Variants in SCHIP1 observed in about 807,000 individuals in gnomAD.
The protein encoded by SCHIP1 is schwannomin interacting protein 1.
Under a neutral mutation model 29.7 loss-of-function variants are expected in SCHIP1, and 8 were observed. The observed-to-expected ratio is 0.27, with a 90% confidence interval of 0.16 to 0.49. The LOEUF is 0.49. SCHIP1 is among the 20% of genes least tolerant of loss of function. SCHIP1 has a pLI of 0.99. For missense variants in SCHIP1, 193 were observed against 294.6 expected (o/e 0.66, Z 2.52); for synonymous variants, 76 against 94.9 (o/e 0.80, Z 1.16).
At chr3:159,339,869 T>C in the SCHIP1 span, among the ~76,000 whole-genome samples, 5 of 152,126 alleles carry the variant, frequency 3.3e-5, no homozygotes, top group Admixed American at 6.6e-5. Context: ...ATAGCTCTCA[T>C]CCACTCAAAA....
intron 1 of SCHIP1, chr3:159,840,285 G>A: frequency 7.4e-7 from 1 of 1,348,206 alleles, no homozygotes; most frequent in Non-Finnish European, 1.0e-6. Flanking sequence ...CAAAGCAGCA[G>A]GTTGCCTCTT....
chr3:159,342,521 C>A, the SCHIP1 span, among the ~76,000 whole-genome samples: 2 of 152,230 alleles, frequency 1.3e-5, no homozygotes, highest in South Asian at 2.1e-4. Flanking sequence ...ACCTATAATA[C>A]AATATTTACT....
intron 2 of SCHIP1, among the ~76,000 whole-genome samples, chr3:159,885,850 A>T (rs886978843): frequency 4.6e-5 from 7 of 152,270 alleles, no homozygotes; most frequent in African/African-American, 1.7e-4. Flanking sequence ...AGATGACACC[A>T]CGCAGCCTTA....
chr3:159,550,808 C>T, the SCHIP1 span, among the ~76,000 whole-genome samples: 2 of 152,062 alleles, frequency 1.3e-5, no homozygotes, highest in South Asian at 2.1e-4. Context: ...AAAACTGCTA[C>T]AACAAAATGG....
chr3:159,820,844 A>C, the SCHIP1 span, among the ~76,000 whole-genome samples: 1 of 152,208 alleles, frequency 6.6e-6, no homozygotes, highest in Non-Finnish European at 1.5e-5. Context: ...GATTGAGAAG[A>C]ACTCTAAGGA....
the SCHIP1 span, among the ~76,000 whole-genome samples, chr3:159,508,076 G>A: frequency 9.9e-5 from 15 of 152,216 alleles, no homozygotes; most frequent in African/African-American, 2.6e-4. Context: ...GGTAGAATTC[G>A]GCTGTGAATC....
the SCHIP1 span, among the ~76,000 whole-genome samples, chr3:159,626,457 T>C: frequency 6.6e-6 from 1 of 151,940 alleles, no homozygotes; most frequent in Non-Finnish European, 1.5e-5. Context: ...CCCATGTTTC[T>C]TGAAGGATCT....
the SCHIP1 span, among the ~76,000 whole-genome samples, chr3:159,456,427 TAC>T: frequency 6.6e-6 from 1 of 152,180 alleles, no homozygotes; most frequent in Non-Finnish European, 1.5e-5. Context: ...ACAAAATTCA[TAC>T]CCAACTAAAT....
chr3:159,478,619 C>T, the SCHIP1 span, among the ~76,000 whole-genome samples: 1 of 152,058 alleles, frequency 6.6e-6, no homozygotes, highest in South Asian at 2.1e-4. Context: ...AAAAAAATGG[C>T]ATTGAAATTT....
the SCHIP1 span, among the ~76,000 whole-genome samples, chr3:159,342,509 T>G: frequency 1.1e-4 from 17 of 152,204 alleles, no homozygotes; most frequent in Admixed American, 1.1e-3. Context: ...TTTTAGTATA[T>G]CACCTATAAT....
chr3:159,362,519 T>C, the SCHIP1 span, among the ~76,000 whole-genome samples: 5 of 152,224 alleles, frequency 3.3e-5, no homozygotes, highest in Admixed American at 1.3e-4. Context: ...TAGATACATT[T>C]TACAAAGAGC....
chr3:159,824,994 C>A, the SCHIP1 span, among the ~76,000 whole-genome samples: 1 of 152,100 alleles, frequency 6.6e-6, no homozygotes, highest in Non-Finnish European at 1.5e-5. Flanking sequence ...TTCCTACTGG[C>A]CATTTTGCCT....
chr3:159,829,085 ACC>A, the SCHIP1 span, among the ~76,000 whole-genome samples: 1 of 152,204 alleles, frequency 6.6e-6, no homozygotes, highest in East Asian at 1.9e-4. Context: ...TGTAGACTTC[ACC>A]CAGATTTACC....
chr3:159,720,066 A>C, the SCHIP1 span, among the ~76,000 whole-genome samples: 5 of 152,316 alleles, frequency 3.3e-5, 1 homozygote, highest in Middle Eastern at 6.8e-3. Flanking sequence ...AAGTGAGTTC[A>C]TGTCCTTTGT....
At chr3:159,561,634 C>T in the SCHIP1 span, among the ~76,000 whole-genome samples, 9 of 151,826 alleles carry the variant, frequency 5.9e-5, no homozygotes, top group Non-Finnish European at 7.4e-5. Flanking sequence ...TAGTTTTTCT[C>T]GGTGTAAAGA....
rs2109391017 is a variant in SCHIP1, at chr3:159,881,911, A to C, written c.150-4296A>C. Among the ~76,000 whole-genome samples the C allele has an allele frequency of 2.6e-5, 4 of 152,324 alleles. No individual in the cohort carries two copies. The South Asian group carries it at 8.3e-4, about 32-fold the overall frequency. On this transcript the variant is annotated intron_variant, in intron 2 of 6. Transcript: ENST00000445224. ...GGCTCTCACACGTGTCTAGGGCTTCAGTTGAGACAACTGCCGGTTGAGCTC... is the reference window on the plus strand; with the variant it reads ...GGCTCTCACACGTGTCTAGGGCTTCCGTTGAGACAACTGCCGGTTGAGCTC...
chr3:159,714,606 C>G, the SCHIP1 span, among the ~76,000 whole-genome samples: 3 of 152,358 alleles, frequency 2.0e-5, no homozygotes, highest in Middle Eastern at 6.8e-3. Flanking sequence ...TATCCCGTGC[C>G]TGGCTCGGAG....
chr3:159,810,125 A>C, the SCHIP1 span, among the ~76,000 whole-genome samples: 1 of 152,200 alleles, frequency 6.6e-6, no homozygotes, highest in East Asian at 1.9e-4. Context: ...AGCTCACTGC[A>C]ACCTCCGCCT....
chr3:159,405,490 A>G, the SCHIP1 span, among the ~76,000 whole-genome samples: 1 of 152,236 alleles, frequency 6.6e-6, no homozygotes, highest in Non-Finnish European at 1.5e-5. Flanking sequence ...GGAGTTGAAA[A>G]ATACAATTGA....
Sources: allele counts gnomAD v4.1 joint callset (sites outside exome capture counted in the v4.1 genomes callset), GRCh38; gene constraint gnomAD v4.1.1; transcripts MANE v1.5; gene names NCBI Gene and HGNC (gene_info 2026-07-23, HGNC 2026-07-21).